The following ADGRG7 variants were observed in gnomAD, a reference collection of about 807,000 sequenced individuals.
ADGRG7 encodes the protein G-protein coupled receptor 128.
In ADGRG7, 82 loss-of-function variants were observed where a neutral mutation model predicts 88.6. That is an observed-to-expected ratio of 0.93 (90% CI 0.77 to 1.11). ADGRG7 has a LOEUF of 1.11. ADGRG7 is among the 50% of genes most tolerant of loss of function. The pLI is 0.00. For missense variants in ADGRG7, 945 were observed against 953.4 expected (o/e 0.99, Z 0.12); for synonymous variants, 381 against 345.2 (o/e 1.10, Z -1.15).
At chr3:100,657,525 G>T (rs940053385) in intron 13 of ADGRG7, among the ~76,000 whole-genome samples, 1 of 152,158 alleles carries the variant, frequency 6.6e-6, no homozygotes. Context: ...TGCTATGTAG[G>T]CCATTTCAGA....
At chr3:100,630,022 A>T (rs1176499244) in intron 2 of ADGRG7, among the ~76,000 whole-genome samples, 1 of 152,164 alleles carries the variant, frequency 6.6e-6, no homozygotes, top group Non-Finnish European at 1.5e-5. Context: ...GGTCCTTTCA[A>T]TTGGTAATAT....
At chr3:100,685,492 A>G (rs1218626871) in intron 15 of ADGRG7, among the ~76,000 whole-genome samples, 3 of 152,084 alleles carry the variant, frequency 2.0e-5, no homozygotes, top group Non-Finnish European at 2.9e-5. Context: ...GTCATTTAGC[A>G]TTAGGTATAT....
intron 12 of ADGRG7, among the ~76,000 whole-genome samples, chr3:100,655,640 C>T (rs1301258270): frequency 6.6e-6 from 1 of 152,068 alleles, no homozygotes; most frequent in Non-Finnish European, 1.5e-5. Context: ...GCCACTGAAA[C>T]ATGACAATTC....
intron 10 of ADGRG7, 127 bp from the exon 11 acceptor site, chr3:100,649,568 C>G (rs939290984): frequency 2.5e-5 from 14 of 567,244 alleles, no homozygotes; most frequent in Admixed American, 1.9e-4. Flanking sequence ...ATATCATGAG[C>G]TTTACAAAAG....
At position 100,629,676 on chromosome 3, in the gene ADGRG7, G is replaced by T. The variant is rs1221238389; in HGVS notation, c.194G>T (p.Cys65Phe). 2 of 1,613,006 alleles carry T rather than the reference G, an allele frequency of 1.2e-6. No homozygotes were observed. Among genetic ancestry groups the T allele is most frequent in the East Asian group, 4.5e-5 (2 of 44,832 alleles). Residue 65 changes from cysteine to phenylalanine, a missense_variant, in exon 2 of 16, where the codon TGT (cysteine) becomes TTT (phenylalanine). Transcript: ENST00000273352. Reference protein sequence around the residue: ...GGTWENGRCICTEEWKGLRCT... With the variant: ...GGTWENGRCIFTEEWKGLRCT... ...ACCTGGGAAAATGGCAGATGTATTTGTACAGAAGAGTGGAAAGGACTGAGA... is the reference window on the plus strand; with the variant it reads ...ACCTGGGAAAATGGCAGATGTATTTTTACAGAAGAGTGGAAAGGACTGAGA...
At chr3:100,651,668 A>G (rs2094929489) in intron 11 of ADGRG7, among the ~76,000 whole-genome samples, 1 of 152,204 alleles carries the variant, frequency 6.6e-6, no homozygotes, top group Non-Finnish European at 1.5e-5. Flanking sequence ...ATACAGCAAG[A>G]TCACATCTCA....
At chr3:100,676,188 T>G (rs2094965106) in intron 15 of ADGRG7, among the ~76,000 whole-genome samples, 1 of 152,148 alleles carries the variant, frequency 6.6e-6, no homozygotes, top group Non-Finnish European at 1.5e-5. Flanking sequence ...GATGCATCAT[T>G]AGGTTGTTTA....
intron 15 of ADGRG7, among the ~76,000 whole-genome samples, chr3:100,690,923 A>C (rs1306508555): frequency 2.0e-5 from 3 of 152,192 alleles, no homozygotes; most frequent in Admixed American, 6.5e-5. Flanking sequence ...AAGTCTGCAG[A>C]GGTTACTGCT....
intron 11 of ADGRG7, among the ~76,000 whole-genome samples, chr3:100,650,832 AT>A (rs536084068): frequency 7.6e-4 from 116 of 152,260 alleles, no homozygotes; most frequent in African/African-American, 2.6e-3. Context: ...ACTGGAACAA[AT>A]TATTACATTA....
At chr3:100,688,997 A>G (rs563939716) in intron 15 of ADGRG7, among the ~76,000 whole-genome samples, 2 of 152,102 alleles carry the variant, frequency 1.3e-5, no homozygotes, top group Non-Finnish European at 2.9e-5. Context: ...TCCCGTTATT[A>G]TTGTGTGGGA....
At chr3:100,686,772 A>G (rs2094983452) in intron 15 of ADGRG7, among the ~76,000 whole-genome samples, 1 of 152,226 alleles carries the variant, frequency 6.6e-6, no homozygotes. Context: ...TGTTTTGATT[A>G]CTGTAGCCTT....
chr3:100,684,914 T>C (rs928619858), intron 15 of ADGRG7, among the ~76,000 whole-genome samples: 5 of 152,160 alleles, frequency 3.3e-5, no homozygotes, highest in African/African-American at 1.2e-4. Context: ...CTTGCAGTTT[T>C]GTTGGTACAA....
intron 1 of ADGRG7, among the ~76,000 whole-genome samples, chr3:100,615,401 G>A (rs140748499): frequency 3.1e-4 from 47 of 152,340 alleles, no homozygotes; most frequent in Non-Finnish European, 5.3e-4. Flanking sequence ...CTAGAGTCTT[G>A]AAGTGTGTAG....
chr3:100,618,341 T>C (rs1035447606), intron 1 of ADGRG7, among the ~76,000 whole-genome samples: 1 of 152,214 alleles, frequency 6.6e-6, no homozygotes, highest in African/African-American at 2.4e-5. Context: ...AGGGTTTTTA[T>C]GGTTTTAGGT....
At chr3:100,658,221 C>T (rs899198042) in intron 13 of ADGRG7, among the ~76,000 whole-genome samples, 20 of 152,158 alleles carry the variant, frequency 1.3e-4, no homozygotes, top group African/African-American at 4.3e-4. Context: ...TTTTGCTTTA[C>T]TTTTAAATAT....
chr3:100,634,371 C>G (rs1707502180), intron 4 of ADGRG7, among the ~76,000 whole-genome samples: 1 of 152,070 alleles, frequency 6.6e-6, no homozygotes, highest in South Asian at 2.1e-4. Flanking sequence ...TTGTTGAGCA[C>G]CTACTGCATG....
intron 14 of ADGRG7, among the ~76,000 whole-genome samples, chr3:100,666,560 G>A (rs541735449): frequency 3.3e-5 from 5 of 152,192 alleles, no homozygotes; most frequent in African/African-American, 4.8e-5. Context: ...TAGATGGACC[G>A]TACAATCGGG....
intron 1 of ADGRG7, among the ~76,000 whole-genome samples, chr3:100,610,777 A>G (rs1164108750): frequency 2.0e-5 from 3 of 152,226 alleles, no homozygotes; most frequent in African/African-American, 7.2e-5. Context: ...GAAAGCTTCT[A>G]ATGAAACAAT....
intron 4 of ADGRG7, 26 bp downstream of exon 4, chr3:100,633,403 C>A (rs780367973): frequency 7.7e-7 from 1 of 1,301,272 alleles, no homozygotes; most frequent in Non-Finnish European, 1.1e-6. Context: ...CACTGATGGG[C>A]AACTGGAAGA....
Sources: allele counts gnomAD v4.1 joint callset (sites outside exome capture counted in the v4.1 genomes callset), GRCh38; gene constraint gnomAD v4.1.1; transcripts MANE v1.5; gene names NCBI Gene and HGNC (gene_info 2026-07-23, HGNC 2026-07-21).